Variants in CTIF observed in about 807,000 individuals in gnomAD.
CTIF encodes the protein cap binding complex dependent translation initiation factor.
CTIF carries 21 observed loss-of-function variants against 66.0 expected under a neutral mutation model. The ratio of observed to expected loss-of-function variants is 0.32; its 90% CI spans 0.23 to 0.46. The LOEUF (loss-of-function observed/expected upper bound fraction) is 0.46, where lower values mean the gene tolerates loss of function less well. Ranked by LOEUF, CTIF falls within the 20% of genes least tolerant of loss-of-function variation. The pLI, the probability that CTIF is intolerant of heterozygous loss-of-function variation, is 1.00. For missense variants in CTIF, 739 were observed against 812.7 expected, an observed-to-expected ratio of 0.91 and a Z score of 1.10; for synonymous variants, 345 against 326.4, an observed-to-expected ratio of 1.06 and a Z score of -0.62.
chr18:48,845,827 G>T (rs1197655467), intron 10 of CTIF, among the ~76,000 whole-genome samples: 4 of 152,106 alleles, frequency 2.6e-5, no homozygotes, highest in Non-Finnish European at 5.9e-5. Context: ...CCTGGGGGCT[G>T]GCCATCTTCT....
At chr18:48,858,165 G>A (rs1471115824) in intron 11 of CTIF, among the ~76,000 whole-genome samples, 1 of 152,268 alleles carries the variant, frequency 6.6e-6, no homozygotes, top group Non-Finnish European at 1.5e-5. Flanking sequence ...GCCCTCTGCA[G>A]ATGGTCCAGA....
chr18:48,557,502 C>T (rs1599138142), intron 1 of CTIF, among the ~76,000 whole-genome samples: 2 of 152,204 alleles, frequency 1.3e-5, no homozygotes, highest in African/African-American at 2.4e-5. Context: ...AGAGACCTGT[C>T]CTGGGGAGAC....
chr18:48,814,013 C>A (rs1003911844), intron 9 of CTIF, among the ~76,000 whole-genome samples: 4 of 152,146 alleles, frequency 2.6e-5, no homozygotes, highest in African/African-American at 7.2e-5. Context: ...CTCAAGCTAC[C>A]CCCTGTCTTT....
chr18:48,753,523 T>A (rs1908039597), intron 7 of CTIF, among the ~76,000 whole-genome samples: 1 of 151,996 alleles, frequency 6.6e-6, no homozygotes, highest in Non-Finnish European at 1.5e-5. Context: ...AAACAAGACA[T>A]CTGATTTCAG....
chr18:48,658,078 T>G (rs1598816327), intron 3 of CTIF, among the ~76,000 whole-genome samples: 1 of 152,310 alleles, frequency 6.6e-6, no homozygotes, highest in South Asian at 2.1e-4. Context: ...CTGACTTCTC[T>G]GGCTTCTTTG....
intron 2 of CTIF, among the ~76,000 whole-genome samples, chr18:48,628,863 G>C (rs1199042714): frequency 6.6e-6 from 1 of 152,126 alleles, no homozygotes; most frequent in African/African-American, 2.4e-5. Flanking sequence ...CTTAGCACAG[G>C]TCTTTTCTAA....
At chr18:48,545,680 G>A (rs1160395135) in intron 1 of CTIF, among the ~76,000 whole-genome samples, 1 of 152,072 alleles carries the variant, frequency 6.6e-6, no homozygotes, top group East Asian at 1.9e-4. Context: ...GTATTGAATT[G>A]GAATTGCTGG....
chr18:48,616,043 C>T (rs771313473), intron 1 of CTIF, among the ~76,000 whole-genome samples: 4 of 152,178 alleles, frequency 2.6e-5, no homozygotes, highest in Non-Finnish European at 5.9e-5. Context: ...CTGAGACACT[C>T]GGGCATGTTT....
At chr18:48,655,334 A>G (rs2091229951) in intron 3 of CTIF, among the ~76,000 whole-genome samples, 1 of 150,498 alleles carries the variant, frequency 6.6e-6, no homozygotes, top group Admixed American at 6.6e-5. Context: ...GAATAAAAAA[A>G]GCCGGAGTGA....
At chr18:48,801,276 C>T (rs1414359471) in intron 9 of CTIF, among the ~76,000 whole-genome samples, 2 of 152,210 alleles carry the variant, frequency 1.3e-5, no homozygotes, top group South Asian at 2.1e-4. Flanking sequence ...TCTATAACCC[C>T]ATATGGTCTC....
chr18:48,850,286 C>T (rs1267556706), intron 10 of CTIF, among the ~76,000 whole-genome samples: 7 of 152,058 alleles, frequency 4.6e-5, no homozygotes, highest in South Asian at 2.1e-4. Context: ...TGGGTTGTTC[C>T]GCCTCTTGCT....
chr18:48,634,189 G>C (rs915600885), intron 2 of CTIF, among the ~76,000 whole-genome samples: 1 of 152,152 alleles, frequency 6.6e-6, no homozygotes, highest in South Asian at 2.1e-4. Flanking sequence ...TATGTCGAGA[G>C]GGTGCATTTT....
chr18:48,769,555 C>T (rs1304118357), intron 9 of CTIF, among the ~76,000 whole-genome samples: 5 of 152,226 alleles, frequency 3.3e-5, no homozygotes, highest in Non-Finnish European at 1.5e-5. Context: ...CAACAGGCCT[C>T]GTCAGGCTGG....
intron 1 of CTIF, among the ~76,000 whole-genome samples, chr18:48,568,709 C>T (rs946963832): frequency 2.1e-5 from 3 of 143,468 alleles, no homozygotes; most frequent in African/African-American, 7.7e-5. Context: ...CTGGGGAGGC[C>T]TCACAATCGT....
chr18:48,697,100 G>A (rs1013400211), intron 6 of CTIF, among the ~76,000 whole-genome samples: 8 of 152,204 alleles, frequency 5.3e-5, no homozygotes, highest in African/African-American at 1.9e-4. Context: ...TGGGCCTCTG[G>A]GCCACCAATG....
intron 8 of CTIF, among the ~76,000 whole-genome samples, chr18:48,759,705 C>G (rs1304455037): frequency 6.6e-6 from 1 of 152,220 alleles, no homozygotes; most frequent in East Asian, 1.9e-4. Flanking sequence ...AATGAAATAA[C>G]GTGTACAGAT....
At chr18:48,690,718 C>T (rs1179103064) in intron 6 of CTIF, among the ~76,000 whole-genome samples, 5 of 151,966 alleles carry the variant, frequency 3.3e-5, no homozygotes, top group African/African-American at 4.8e-5. Flanking sequence ...CTCCCAGAGC[C>T]GGAACACAGG....
At chr18:48,664,954 C>CCCGACTG (rs2091413227) in intron 5 of CTIF, among the ~76,000 whole-genome samples, 1 of 142,828 alleles carries the variant, frequency 7.0e-6, no homozygotes, top group Non-Finnish European at 1.5e-5. Context: ...GTCGCCCAGG[C>CCCGACTG]CGGACTGCGG....
chr18:48,773,260 A>G (rs1264894824), intron 9 of CTIF, among the ~76,000 whole-genome samples: 1 of 152,212 alleles, frequency 6.6e-6, no homozygotes, highest in East Asian at 1.9e-4. Context: ...AGACATGTTG[A>G]TAGGTCATAG....
Sources: allele counts gnomAD v4.1 joint callset (sites outside exome capture counted in the v4.1 genomes callset), GRCh38; gene constraint gnomAD v4.1.1; transcripts MANE v1.5; gene names NCBI Gene and HGNC (gene_info 2026-07-23, HGNC 2026-07-21).